Variants in SPAM1 observed in about 807,000 individuals in gnomAD.
SPAM1 encodes the protein hyaluronidase PH-20.
A neutral mutation model predicts 29.6 loss-of-function variants in SPAM1; 22 were observed. The observed-to-expected ratio is 0.74, with a 90% CI of 0.53 to 1.06. The LOEUF is 1.06. Ranked by LOEUF, SPAM1 falls within the 50% of genes least tolerant of loss-of-function variation. The pLI, the probability that SPAM1 is intolerant of heterozygous loss-of-function variation, is 0.00. For synonymous variants in SPAM1, 194 were observed against 204.6 expected (o/e 0.95, Z 0.44); for missense variants, 534 against 604.0 (o/e 0.88, Z 1.21).
chr7:123,956,736 T>A lies in SPAM1; in HGVS notation c.1044+1650T>A, dbSNP rs1001277908. Among the ~76,000 whole-genome samples, 6 of 152,150 alleles carry A rather than the reference T, an allele frequency of 3.9e-5. No individual in the cohort carries two copies. In the East Asian group the frequency reaches 1.2e-3, roughly 30 times the overall value. On this transcript the variant is annotated intron_variant, in intron 4 of 4. Transcript: ENST00000682466. ...ATCCATGCTCTTGAGATTATTTACA[T>A]CTTTTGCATCTTTATAAATGGAAAT...
Position 123,929,895 on chromosome 7 carries a change from A to ATTTTTTTTTTTTTTT in SPAM1, c.-319+4549_-319+4563dup, listed in dbSNP as rs71163712. On this transcript the variant is annotated intron_variant, in intron 1 of 4. Transcript: ENST00000682466. Reference sequence around the variant, plus strand: ...AAAGAAGGAAGCTGGGTGTTTAGGGATTTTTTTTTTTTTTTTTTTTGAGGA... The same window carrying ATTTTTTTTTTTTTTT: ...AAAGAAGGAAGCTGGGTGTTTAGGGATTTTTTTTTTTTTTTTTTTTTTTTTTTTTTTTTTTGAGGA... Among the ~76,000 whole-genome samples, 49 of 119,798 alleles carry ATTTTTTTTTTTTTTT rather than the reference A, an allele frequency of 4.1e-4. 1 individual carries two copies. The highest frequency in any genetic ancestry group is 5.7e-4 in the South Asian group (2 of 3,490). The allele number at this position is 119,798 out of a possible 152,430, so 78.6% of individuals were successfully genotyped here.
rs544888620 is a variant in SPAM1, at chr7:123,954,166, T to A, written c.596T>A (p.Phe199Tyr). 3.1e-6 allele frequency: 5 copies of A among 1,613,310 alleles called. No homozygotes were observed. The South Asian group carries it at 5.5e-5, about 18-fold the overall frequency. Residue 199 changes from phenylalanine (F) to tyrosine (Y), a missense_variant, in exon 3 of 5, where the codon TTC becomes TAC. Phe to Tyr is a conservative substitution (Grantham distance 22). Transcript: ENST00000682466. ...GAATTTGAAAAGGCAGGGAAGGATTTCCTGGTAGAGACTATAAAATTGGGA... is the reference window on the plus strand; with the variant it reads ...GAATTTGAAAAGGCAGGGAAGGATTACCTGGTAGAGACTATAAAATTGGGA... ...KQEFEKAGKD[F>Y]LVETIKLGKL... is the part of the protein sequence containing the mutation.
chr7:123,936,981 C>A (rs926020882), intron 1 of SPAM1, among the ~76,000 whole-genome samples: 1 of 152,178 alleles, frequency 6.6e-6, no homozygotes, highest in Non-Finnish European at 1.5e-5. Context: ...TTCTTATTAA[C>A]CACATTCTTT....
chr7:123,927,125 C>T (rs922247645), intron 1 of SPAM1, among the ~76,000 whole-genome samples: 16 of 152,002 alleles, frequency 1.1e-4, no homozygotes, highest in Non-Finnish European at 2.1e-4. Context: ...TATGTAGGGT[C>T]CAATAAAACC....
At position 123,959,910 on chromosome 7, in the gene SPAM1, G is replaced by A. The variant is rs772980432; in HGVS notation, c.1471G>A (p.Ala491Thr). The change falls in exon 5 of 5, where the codon GCC (alanine) becomes ACC (threonine). Residue 491 changes from alanine to threonine, a missense_variant. Ala to Thr is a moderately conservative substitution (Grantham distance 58). Transcript: ENST00000682466. The stretch of plus-strand genomic sequence containing the variant: ...CAATGCTTCACCCTCCACACTATCT[G>A]CCACAATGTTCATTGTTAGTATTTT... ...FYNASPSTLS[A>T]TMFIVSILFL... The A allele has an allele frequency of 6.2e-7, 1 of 1,612,136 alleles. No homozygotes were observed. The highest frequency in any genetic ancestry group is 1.3e-5 in the African/African-American group (1 of 74,916).
At chr7:123,970,378 G>T in intron 6 of SPAM1, 1 of 991,082 alleles carries the variant, frequency 1.0e-6, no homozygotes. Flanking sequence ...CAGTCATGTT[G>T]GATTGGAGAA....
In SPAM1 at chr7:123,953,518, A is replaced by G; in HGVS notation, c.-53A>G. On this transcript the variant is annotated 5_prime_UTR_variant, in exon 3 of 5. Coordinates refer to ENST00000682466, the MANE Select transcript of SPAM1 (RefSeq NM_153189.3). ...TCATACTTTGCATCAGATATTGGGT[A>G]AACCAAAGTGTGTAGGAAGAAATAA... 3 of 1,219,206 alleles carry G rather than the reference A, an allele frequency of 2.5e-6. No homozygotes were observed. The South Asian group carries it at 4.6e-5, about 18-fold the overall frequency. The allele number at this position is 1,219,206 out of a possible 1,614,324, so 75.5% of individuals were successfully genotyped here.
In SPAM1 at chr7:123,959,708, TGAA is replaced by T; in HGVS notation, c.1272_1274del (p.Glu424del). 3 of 1,613,338 alleles carry T rather than the reference TGAA, an allele frequency of 1.9e-6. No individual in the cohort carries two copies. Among genetic ancestry groups the T allele is most frequent in the Non-Finnish European group, 2.5e-6 (3 of 1,179,564 alleles). On this transcript the variant is annotated inframe_deletion, in exon 5 of 5. Coordinates refer to ENST00000682466, the MANE Select transcript of SPAM1 (RefSeq NM_153189.3). ...TCACAGTACGTGGAAAACCGACACT[TGAA>T]GACCTGGAGCAATTTTCTGAAAAAT...
Position 123,954,373 on chromosome 7 carries a change from A to G in SPAM1, c.803A>G (p.Gln268Arg). Residue 268 changes from glutamine (Q) to arginine (R), a missense_variant, in exon 3 of 5, where the codon CAG (glutamine) becomes CGG (arginine). Physicochemically the swap from Gln to Arg is conservative, Grantham distance 43. Transcript: ENST00000682466. ...TACCCATCCATTTATTTGAACACTC[A>G]GCAGTCTCCTGTAGCTGCTACACTC... ...ALYPSIYLNT[Q>R]QSPVAATLYV... The G allele has an allele frequency of 6.2e-7, 1 of 1,613,544 alleles. No homozygotes were observed. The highest frequency in any genetic ancestry group is 8.5e-7 in the Non-Finnish European group (1 of 1,179,670).
At chr7:123,930,899 A>G (rs78934845) in intron 1 of SPAM1, among the ~76,000 whole-genome samples, 9,876 of 152,228 alleles carry the variant, frequency 0.065, 435 homozygotes, top group South Asian at 0.1. Flanking sequence ...TGTATGGCCT[A>G]TATTCTAAGG....
chr7:123,942,241 A>G (rs551749330), intron 1 of SPAM1, among the ~76,000 whole-genome samples: 1 of 152,360 alleles, frequency 6.6e-6, no homozygotes, highest in East Asian at 1.9e-4. Context: ...GTAGACTGGT[A>G]GTCAGGAAAA....
intron 1 of SPAM1, among the ~76,000 whole-genome samples, chr7:123,938,654 A>G (rs933400417): frequency 6.6e-6 from 1 of 152,346 alleles, no homozygotes; most frequent in East Asian, 1.9e-4. Flanking sequence ...TATGTAGAAG[A>G]TTTAGTAACT....
chr7:123,958,108 T>C (rs1313152961), intron 4 of SPAM1, among the ~76,000 whole-genome samples: 1 of 152,164 alleles, frequency 6.6e-6, no homozygotes, highest in Non-Finnish European at 1.5e-5. Context: ...GCAGACATTT[T>C]TGGGTATCAG....
chr7:123,957,183 A>C (rs2117066738), intron 4 of SPAM1, among the ~76,000 whole-genome samples: 1 of 152,136 alleles, frequency 6.6e-6, no homozygotes, highest in Middle Eastern at 3.4e-3. Context: ...CACAAGTAAG[A>C]GACATATTTG....
chr7:123,967,228 G>C (rs1026038141), intron 5 of SPAM1, among the ~76,000 whole-genome samples: 1 of 151,950 alleles, frequency 6.6e-6, no homozygotes, highest in Admixed American at 6.6e-5. Context: ...ATAATAGCTA[G>C]TCACAGTGCT....
chr7:123,947,634 AC>A (rs1338828688), intron 1 of SPAM1: 1 of 152,380 alleles, frequency 6.6e-6, no homozygotes, highest in African/African-American at 2.4e-5. Context: ...AGGTTCACAC[AC>A]TAACATTTCA....
At chr7:123,970,333 G>T in intron 6 of SPAM1, 1 of 1,459,864 alleles carries the variant, frequency 6.8e-7, no homozygotes, top group Non-Finnish European at 9.3e-7. Flanking sequence ...ATATGTTTCT[G>T]TCTGTGACCT....
At chr7:123,946,371 G>A (rs144161700) in intron 1 of SPAM1, among the ~76,000 whole-genome samples, 44 of 152,250 alleles carry the variant, frequency 2.9e-4, no homozygotes, top group African/African-American at 8.9e-4. Context: ...AGCTCAAGCT[G>A]GTACCAAGCC....
rs771010529 is a variant in SPAM1 at position 123,959,887 on chromosome 7, A to G, written c.1448A>G (p.Asn483Ser). ...METEEPQIFY[N>S]ASPSTLSATM... ...ACAGAAGAACCTCAAATTTTCTACA[A>G]TGCTTCACCCTCCACACTATCTGCC... Residue 483 changes from asparagine to serine, a missense_variant, in exon 5 of 5, where the codon AAT becomes AGT. Transcript: ENST00000682466. The G allele has an allele frequency of 1.1e-5, 18 of 1,612,830 alleles. No homozygotes were observed. Among genetic ancestry groups the G allele is most frequent in the African/African-American group, 8.0e-5 (6 of 74,828 alleles).
Sources: allele counts gnomAD v4.1 joint callset (sites outside exome capture counted in the v4.1 genomes callset), GRCh38; gene constraint gnomAD v4.1.1; transcripts MANE v1.5; gene names NCBI Gene and HGNC (gene_info 2026-07-23, HGNC 2026-07-21).